The following ARFGEF2 variants were observed in gnomAD, a reference collection of about 807,000 sequenced individuals.
ARFGEF2 encodes ARF guanine nucleotide exchange factor 2.
Under a neutral mutation model 219.9 loss-of-function variants are expected in ARFGEF2, and 74 were observed. The ratio of observed to expected loss-of-function variants is 0.34; its 90% CI spans 0.28 to 0.41. The LOEUF is 0.41. ARFGEF2 is among the 10% of genes least tolerant of loss of function. The pLI is 1.00. For synonymous variants in ARFGEF2, 733 were observed against 799.2 expected, an observed-to-expected ratio of 0.92 and a Z score of 1.40; for missense variants, 1,743 against 2,218.3, an observed-to-expected ratio of 0.79 and a Z score of 4.30.
In ARFGEF2 at chr20:48,928,563, C is replaced by T. The variant is rs564858198; in HGVS notation, c.121+6553C>T. ...AGGCTGGAGTGCAGTGGCGTGATCT[C>T]GGCTCACTGCAAGCTCTGCCTCCTG... On this transcript the variant is annotated intron_variant, in intron 1 of 38. Coordinates refer to ENST00000371917, the MANE Select transcript of ARFGEF2 (RefSeq NM_006420.3). Among the ~76,000 whole-genome samples, 15 of 147,668 alleles carry T rather than the reference C, an allele frequency of 1.0e-4. No homozygotes were observed. In the East Asian group the frequency reaches 2.9e-3, roughly 28 times the overall value.
At chr20:49,017,466 A>AT (rs753102914) in intron 32 of ARFGEF2, 30 bp from the exon 33 acceptor site, 11 of 1,601,598 alleles carry the variant, frequency 6.9e-6, no homozygotes, top group South Asian at 3.3e-5. Context: ...TTTCACATTG[A>AT]TTATTTTTTT....
intron 3 of ARFGEF2, among the ~76,000 whole-genome samples, chr20:48,946,810 G>T (rs912662031): frequency 2.0e-5 from 3 of 150,660 alleles, no homozygotes; most frequent in Non-Finnish European, 4.4e-5. Flanking sequence ...AGTTTTTTTG[G>T]TTTTTTTTAG....
At chr20:48,928,886 A>C (rs2090896130) in intron 1 of ARFGEF2, among the ~76,000 whole-genome samples, 1 of 152,250 alleles carries the variant, frequency 6.6e-6, no homozygotes. Flanking sequence ...TAAGTCTCCA[A>C]CATGAGTGAA....
In ARFGEF2 at chr20:49,036,259, G is replaced by A. The variant is rs1182567679; in HGVS notation, c.*3060G>A. The A allele has an allele frequency of 1.3e-5, 5 of 398,178 alleles. No individual in the cohort carries two copies. Among genetic ancestry groups the A allele is most frequent in the Non-Finnish European group, 2.2e-5 (5 of 225,920 alleles). 24.7% of individuals were successfully genotyped at this position (398,178 alleles called of 1,614,324 possible). ...CTGGAGTTTTGTTATCAGCAGCTTT[G>A]CAGTTTGGGAAACAAAGAAACCAAA... is the stretch of plus-strand genomic sequence containing the variant. On this transcript the variant is annotated 3_prime_UTR_variant, in exon 39 of 39. Coordinates refer to ENST00000371917, the MANE Select transcript of ARFGEF2 (RefSeq NM_006420.3).
At chr20:48,995,634 T>G in intron 22 of ARFGEF2, 149 bp from the exon 23 acceptor site, 1 of 736,702 alleles carries the variant, frequency 1.4e-6, no homozygotes, top group Non-Finnish European at 2.4e-6. Flanking sequence ...ACTTTAATTT[T>G]ATCATCAGTG....
chr20:49,017,428 A>T (rs1195925313), intron 32 of ARFGEF2, 41 bp downstream of exon 32: 1 of 1,613,774 alleles, frequency 6.2e-7, no homozygotes, highest in Non-Finnish European at 8.5e-7. Flanking sequence ...CTCTGTGTTC[A>T]GTGGATGTCT....
intron 16 of ARFGEF2, among the ~76,000 whole-genome samples, chr20:48,987,189 T>C (rs191417554): frequency 2.6e-5 from 4 of 152,350 alleles, no homozygotes; most frequent in African/African-American, 9.6e-5. Context: ...TGCTGTTTAC[T>C]TTAAACGTAT....
In ARFGEF2 at chr20:48,989,663, C is replaced by T. The variant is rs752777009; in HGVS notation, c.2793C>T (p.Ile931=). The change falls in exon 20 of 39, where the codon ATC becomes ATT. Residue 931 remains isoleucine, a synonymous_variant. Coordinates refer to ENST00000371917, the MANE Select transcript of ARFGEF2 (RefSeq NM_006420.3). ...CLEGIRCAIR[I]ACIFGMQLER... is the part of the protein sequence containing the mutation. ...AAGGCATCCGATGTGCAATCCGAAT[C>T]GCCTGCATCTTTGGAATGCAGGTAG... 128 of 1,614,054 alleles carry T rather than the reference C, an allele frequency of 7.9e-5. No homozygotes were observed. Among genetic ancestry groups the T allele is most frequent in the Non-Finnish European group, 9.4e-5 (111 of 1,180,048 alleles).
rs397957165 is a variant in ARFGEF2 at position 49,035,993 on chromosome 20, G to GAA, written c.*2805_*2806dup. On this transcript the variant is annotated 3_prime_UTR_variant, in exon 39 of 39. Transcript: ENST00000371917. ...CTGGCAGGTGACTTTTGTACGAAATGAAAAAAAAAAAACCTGTATTTTTTT... is the reference window on the plus strand; with the variant it reads ...CTGGCAGGTGACTTTTGTACGAAATGAAAAAAAAAAAAAACCTGTATTTTTTT... 0.017 allele frequency: 5,970 copies of GAA among 341,470 alleles called. 3 individuals carry two copies. The highest frequency in any genetic ancestry group is 0.022 in the Non-Finnish European group (4,195 of 193,008). The allele number at this position is 341,470 out of a possible 1,614,324, so 21.2% of individuals were successfully genotyped here.
Position 48,941,218 on chromosome 20 carries a change from A to G in ARFGEF2, c.141A>G (p.Ile47Met), listed in dbSNP as rs756329199. 3 of 1,613,562 alleles carry G rather than the reference A, an allele frequency of 1.9e-6. No homozygotes were observed. The highest frequency in any genetic ancestry group is 1.7e-5 in the Admixed American group (1 of 59,974). Residue 47 changes from isoleucine (I) to methionine (M), a missense_variant, in exon 2 of 39, where the codon ATA (isoleucine) becomes ATG (methionine). Physicochemically the swap from Ile to Met is conservative, Grantham distance 10. Coordinates refer to ENST00000371917, the MANE Select transcript of ARFGEF2 (RefSeq NM_006420.3). Reference sequence around the variant, plus strand: ...TACCAGATGAAATTAAAGCAGAAATAGAAAAGCAGAGGTAAGCTATAGCAC... The same window carrying G: ...TACCAGATGAAATTAAAGCAGAAATGGAAAAGCAGAGGTAAGCTATAGCAC... ...QVALDEIKAE[I>M]EKQRLGTAAP...
intron 4 of ARFGEF2, 69 bp downstream of exon 4, chr20:48,951,538 T>C: frequency 6.2e-7 from 1 of 1,600,236 alleles, no homozygotes; most frequent in Non-Finnish European, 8.6e-7. Flanking sequence ...TCTGGATTTC[T>C]AATTTACTAT....
intron 35 of ARFGEF2, among the ~76,000 whole-genome samples, chr20:49,024,145 A>G (rs2091586162): frequency 6.6e-6 from 1 of 151,784 alleles, no homozygotes; most frequent in African/African-American, 2.4e-5. Context: ...TTAATTTTTT[A>G]CATTTTTTGT....
At chr20:48,965,532 C>A (rs1029655428) in intron 7 of ARFGEF2, among the ~76,000 whole-genome samples, 2 of 152,124 alleles carry the variant, frequency 1.3e-5, no homozygotes, top group African/African-American at 4.8e-5. Context: ...TTAAAAAAAT[C>A]TGTACCTTTC....
intron 6 of ARFGEF2, among the ~76,000 whole-genome samples, chr20:48,958,144 G>T (rs1479208479): frequency 6.6e-6 from 1 of 152,186 alleles, no homozygotes; most frequent in Non-Finnish European, 1.5e-5. Flanking sequence ...CTATCATGAG[G>T]ACATCATAAA....
intron 37 of ARFGEF2, among the ~76,000 whole-genome samples, chr20:49,028,987 T>C (rs1163827320): frequency 6.6e-6 from 1 of 152,258 alleles, no homozygotes; most frequent in Non-Finnish European, 1.5e-5. Flanking sequence ...GCTAGAGCCC[T>C]GTGGCCTTAG....
intron 1 of ARFGEF2, among the ~76,000 whole-genome samples, chr20:48,939,549 A>G (rs973219961): frequency 1.5e-4 from 23 of 152,102 alleles, no homozygotes; most frequent in Admixed American, 1.5e-3. Context: ...ATCACCCACA[A>G]CTTCATGGGC....
intron 30 of ARFGEF2, among the ~76,000 whole-genome samples, chr20:49,014,181 CTG>C (rs368886093): frequency 2.6e-4 from 39 of 152,078 alleles, no homozygotes; most frequent in African/African-American, 8.9e-4. Flanking sequence ...AAATACATCT[CTG>C]TGGTCTGCTG....
chr20:48,999,490 T>A (rs2091411654), intron 25 of ARFGEF2, among the ~76,000 whole-genome samples: 1 of 152,192 alleles, frequency 6.6e-6, no homozygotes, highest in Non-Finnish European at 1.5e-5. Context: ...GGCTCACGCC[T>A]GTAATCCCAG....
intron 1 of ARFGEF2, 79 bp from the exon 2 acceptor site, chr20:48,941,120 T>C: frequency 7.5e-7 from 1 of 1,340,926 alleles, no homozygotes; most frequent in Non-Finnish European, 1.1e-6. Flanking sequence ...TTCAGTGGTC[T>C]CCAAATATCT....
Sources: gnomAD v4.1 joint callset for allele counts (sites outside exome capture counted in the v4.1 genomes callset) on GRCh38, gnomAD v4.1.1 for gene constraint, MANE v1.5 for transcripts, NCBI Gene and HGNC (gene_info 2026-07-23, HGNC 2026-07-21) for gene names.